The following CCSER2 variants were observed in gnomAD, a reference collection of about 807,000 sequenced individuals.
The protein encoded by CCSER2 is serine-rich coiled-coil domain-containing protein 2.
Under a neutral mutation model 92.3 loss-of-function variants are expected in CCSER2, and 46 were observed. That is an observed-to-expected ratio of 0.50 (90% CI 0.39 to 0.64). CCSER2 has a LOEUF of 0.64. CCSER2 is among the 30% of genes least tolerant of loss of function. CCSER2 has a pLI of 0.00. For synonymous variants in CCSER2, 433 were observed against 431.4 expected (o/e 1.00, Z -0.04); for missense variants, 1,244 against 1,238.9 (o/e 1.00, Z -0.06).
At chr10:84,383,589 C>A (rs1258697182) in intron 3 of CCSER2, among the ~76,000 whole-genome samples, 1 of 152,228 alleles carries the variant, frequency 6.6e-6, no homozygotes, top group East Asian at 1.9e-4. Context: ...GGATTACAAG[C>A]GTGAGCCACC....
intron 4 of CCSER2, 123 bp downstream of exon 4, chr10:84,417,984 T>G: frequency 5.3e-6 from 3 of 561,294 alleles, no homozygotes; most frequent in Non-Finnish European, 9.8e-6. Context: ...TGAGAATCAG[T>G]CTTAAGTGAG....
rs1370275984 is a variant in CCSER2 at position 84,457,232 on chromosome 10, ATATAT to A, written c.2065-6695_2065-6691del. Among the ~76,000 whole-genome samples, 40 of 66,102 alleles carry A rather than the reference ATATAT, an allele frequency of 6.1e-4. 2 individuals carry two copies. The highest frequency in any genetic ancestry group is 1.7e-3 in the African/African-American group (31 of 18,544). 43.4% of individuals were successfully genotyped at this position (66,102 alleles called of 152,430 possible). A position where few individuals can be genotyped will look rare whatever the true frequency, so the allele number is the denominator to read the frequency against. ...TATATATATTACATATTATATATAA[ATATAT>A]TATATATTATATATTATATAAAATA... On this transcript the variant is annotated intron_variant, in intron 6 of 9. Coordinates refer to ENST00000372088, the MANE Select transcript of CCSER2 (RefSeq NM_001284240.2).
Position 84,477,573 on chromosome 10 carries a change from A to T in CCSER2, c.2236-2A>T, listed in dbSNP as rs748679027. 6.3e-7 allele frequency: 1 copy of T among 1,595,112 alleles called. No individual in the cohort carries two copies. The highest frequency in any genetic ancestry group is 8.6e-7 in the Non-Finnish European group (1 of 1,163,982). ...ATGTAAAAATTTTGTGTTTTTGTTTAGGCAACTCAGCATATCTGCCACCAA... is the reference window on the plus strand; with the variant it reads ...ATGTAAAAATTTTGTGTTTTTGTTTTGGCAACTCAGCATATCTGCCACCAA... On this transcript the variant is annotated splice_acceptor_variant, in intron 8 of 9. Transcript: ENST00000372088. LOFTEE classifies it high-confidence loss of function.
intron 9 of CCSER2, among the ~76,000 whole-genome samples, chr10:84,487,142 T>A (rs548594588): frequency 3.9e-5 from 6 of 152,370 alleles, no homozygotes; most frequent in East Asian, 1.9e-4. Flanking sequence ...TTTTGGTTAC[T>A]GTAGCCTTGT....
chr10:84,374,029 TTACATATA>T, intron 3 of CCSER2: 1 of 1,060,612 alleles, frequency 9.4e-7, no homozygotes, highest in Non-Finnish European at 1.3e-6. Context: ...CTCAACATGT[TTACATATA>T]TATTCCTCAT....
chr10:84,421,604 T>A (rs1004986085), intron 4 of CCSER2, among the ~76,000 whole-genome samples: 3 of 152,144 alleles, frequency 2.0e-5, no homozygotes, highest in Non-Finnish European at 4.4e-5. Flanking sequence ...TGGGGATTAT[T>A]GCAATTTAAG....
intron 9 of CCSER2, among the ~76,000 whole-genome samples, chr10:84,479,667 A>G (rs111408423): frequency 6.6e-6 from 1 of 152,358 alleles, no homozygotes; most frequent in African/African-American, 2.4e-5. Context: ...GTGTAAATAT[A>G]AAGTTCCATC....
intron 6 of CCSER2, among the ~76,000 whole-genome samples, chr10:84,457,334 A>ATATAATATAT (rs1564685158): frequency 1.1e-4 from 5 of 46,286 alleles, no homozygotes; most frequent in East Asian, 1.3e-3. Flanking sequence ...TATATAATAT[A>ATATAATATAT]TTATATATTA....
chr10:84,338,859 C>A (rs1379133967), intron 1 of CCSER2, among the ~76,000 whole-genome samples: 1 of 152,158 alleles, frequency 6.6e-6, no homozygotes. Flanking sequence ...ACAGTTATAG[C>A]ACTTTATATG....
chr10:84,416,275 A>C (rs1197009075), intron 3 of CCSER2, among the ~76,000 whole-genome samples: 1 of 152,068 alleles, frequency 6.6e-6, no homozygotes, highest in Non-Finnish European at 1.5e-5. Context: ...CTGTTTGTCT[A>C]GTCAGTCCCA....
intron 6 of CCSER2, among the ~76,000 whole-genome samples, chr10:84,457,884 GGCGAATGCCACCAC>G (rs1231885346): frequency 6.6e-6 from 1 of 151,016 alleles, no homozygotes; most frequent in African/African-American, 2.4e-5. Flanking sequence ...TGGGATTACA[GGCGAATGCCACCAC>G]GCCCAGCTAA....
intron 1 of CCSER2, among the ~76,000 whole-genome samples, chr10:84,335,882 C>T (rs936502469): frequency 6.6e-6 from 1 of 152,144 alleles, no homozygotes; most frequent in African/African-American, 2.4e-5. Flanking sequence ...TTCATAATAG[C>T]TATTTAAGTC....
At chr10:84,502,562 G>A (rs1402449959) in intron 9 of CCSER2, among the ~76,000 whole-genome samples, 3 of 151,882 alleles carry the variant, frequency 2.0e-5, no homozygotes, top group Non-Finnish European at 2.9e-5. Flanking sequence ...TAGTAGAGAC[G>A]AGGTTTCACC....
intron 9 of CCSER2, among the ~76,000 whole-genome samples, chr10:84,487,403 G>C (rs543543977): frequency 1.0e-3 from 153 of 152,210 alleles, no homozygotes; most frequent in Non-Finnish European, 1.2e-3. Context: ...ATTTGTTAGT[G>C]TCCTCTTTTA....
At chr10:84,477,502 A>G (rs1847219841) in intron 8 of CCSER2, 73 bp from the exon 9 acceptor site, 1 of 738,380 alleles carries the variant, frequency 1.4e-6, no homozygotes, top group South Asian at 1.9e-5. Flanking sequence ...GTGTTTTCCT[A>G]AAGTTTCTCT....
At chr10:84,475,857 G>A (rs1382200822) in intron 8 of CCSER2, among the ~76,000 whole-genome samples, 1 of 152,116 alleles carries the variant, frequency 6.6e-6, no homozygotes, top group Non-Finnish European at 1.5e-5. Flanking sequence ...TTTGGAGTTA[G>A]AGTCTCACTC....
chr10:84,384,633 G>T (rs935024197), intron 3 of CCSER2, among the ~76,000 whole-genome samples: 5 of 151,988 alleles, frequency 3.3e-5, no homozygotes, highest in Admixed American at 6.6e-5. Flanking sequence ...AAAATAATAA[G>T]AACCCTATAT....
At chr10:84,457,301 A>AATATTATATATAATATATT (rs1564684881) in intron 6 of CCSER2, among the ~76,000 whole-genome samples, 2 of 53,396 alleles carry the variant, frequency 3.7e-5, no homozygotes, top group Non-Finnish European at 6.7e-5. Context: ...TATTATATAT[A>AATATTATATATAATATATT]ATATGTTATA....
intron 4 of CCSER2, among the ~76,000 whole-genome samples, chr10:84,419,005 A>T (rs775788448): frequency 1.3e-5 from 2 of 149,262 alleles, no homozygotes; most frequent in African/African-American, 2.4e-5. Flanking sequence ...GTCTTAGCTA[A>T]GAACTAGCAC....
Sources: gnomAD v4.1 joint callset for allele counts (sites outside exome capture counted in the v4.1 genomes callset) on GRCh38, gnomAD v4.1.1 for gene constraint, MANE v1.5 for transcripts, NCBI Gene and HGNC (gene_info 2026-07-23, HGNC 2026-07-21) for gene names.